DRC3: variants seen among roughly 807,000 people sequenced by gnomAD.
The protein encoded by DRC3 is dynein regulatory complex subunit 3.
DRC3 carries 45 observed loss-of-function variants against 57.6 expected under a neutral mutation model. The ratio of observed to expected loss-of-function variants is 0.78; its 90% confidence interval spans 0.62 to 1.00. The LOEUF (loss-of-function observed/expected upper bound fraction) is 1.00, where lower values mean the gene tolerates loss of function less well. Ranked by LOEUF, DRC3 falls within the 50% of genes least tolerant of loss-of-function variation. The pLI is 0.00. For missense variants in DRC3, 655 were observed against 675.2 expected (o/e 0.97, Z 0.33); for synonymous variants, 257 against 272.3 (o/e 0.94, Z 0.55).
At chr17:17,983,703 G>A in intron 3 of DRC3, 125 bp from the exon 4 acceptor site, 3 of 642,688 alleles carry the variant, frequency 4.7e-6, no homozygotes, top group Non-Finnish European at 8.2e-6. Flanking sequence ...CAGGGTGCCT[G>A]CGTACTCCAG....
intron 12 of DRC3, 72 bp downstream of exon 12, chr17:18,007,219 G>A: frequency 1.3e-5 from 2 of 153,404 alleles, no homozygotes; most frequent in Non-Finnish European, 1.6e-5. Flanking sequence ...CTGAGGCTCT[G>A]TGAGTAAGCC....
intron 4 of DRC3, among the ~76,000 whole-genome samples, chr17:17,985,988 T>A (rs577339159): frequency 6.6e-6 from 1 of 152,170 alleles, no homozygotes; most frequent in African/African-American, 2.4e-5. Flanking sequence ...CTCAGCTCAC[T>A]ATAACCTCTG....
chr17:18,015,848 T>C (rs145947034), intron 12 of DRC3: 3 of 523,878 alleles, frequency 5.7e-6, no homozygotes, highest in South Asian at 2.6e-5. Flanking sequence ...TGGTTGGCCC[T>C]TTCCCCACAA....
intron 9 of DRC3, among the ~76,000 whole-genome samples, chr17:17,999,971 T>C (rs1232362309): frequency 6.6e-6 from 1 of 152,132 alleles, no homozygotes; most frequent in Non-Finnish European, 1.5e-5. Context: ...TATTCTGTAC[T>C]TTGCTTTCGT....
At chr17:18,003,878 C>T (rs2043847591) in intron 9 of DRC3, among the ~76,000 whole-genome samples, 1 of 151,186 alleles carries the variant, frequency 6.6e-6, no homozygotes, top group African/African-American at 2.4e-5. Flanking sequence ...GTCTCAATCT[C>T]CTGACCTCAT....
At chr17:17,981,654 C>T (rs1453988530) in intron 3 of DRC3, 2 of 152,288 alleles carry the variant, frequency 1.3e-5, no homozygotes, top group Non-Finnish European at 2.9e-5. Flanking sequence ...CTGGCTCAGG[C>T]TCCTCTGAGG....
chr17:18,011,373 T>C, intron 12 of DRC3: 2 of 321,100 alleles, frequency 6.2e-6, no homozygotes, highest in Non-Finnish European at 1.2e-5. Context: ...CTCTGGGTGT[T>C]AAGTGCTCCA....
chr17:17,997,105 G>A lies in DRC3; in HGVS notation c.825-355G>A, dbSNP rs184813676. Among the ~76,000 whole-genome samples, 1,251 of 152,232 alleles carry A rather than the reference G, an allele frequency of 8.2e-3. 22 individuals carry two copies. The highest frequency in any genetic ancestry group is 0.028 in the African/African-American group (1,155 of 41,542). ...CTGCTTCCCCAGCTGGGACCGGCTC[G>A]CAGGCCCCCAGGGTCCCCAGGCCTC... On this transcript the variant is annotated intron_variant, in intron 8 of 13. Coordinates refer to ENST00000399187, the MANE Select transcript of DRC3 (RefSeq NM_031294.4).
intron 9 of DRC3, among the ~76,000 whole-genome samples, chr17:18,000,381 T>TGTGTGCGC (rs200512999): frequency 2.6e-4 from 39 of 150,068 alleles, no homozygotes; most frequent in African/African-American, 8.9e-4. Flanking sequence ...TGTGTGTGTG[T>TGTGTGCGC]GCATAGCATG....
chr17:17,988,194 A>T, intron 5 of DRC3, 96 bp downstream of exon 5: 3 of 1,268,280 alleles, frequency 2.4e-6, no homozygotes, highest in Non-Finnish European at 3.3e-6. Flanking sequence ...GTACAGGCTG[A>T]GTGTTCAGAT....
intron 4 of DRC3, among the ~76,000 whole-genome samples, chr17:17,987,315 G>C (rs935613511): frequency 4.6e-5 from 7 of 151,594 alleles, no homozygotes; most frequent in African/African-American, 1.7e-4. Flanking sequence ...TGAGACAGCT[G>C]TGATGGAGCT....
Position 17,995,025 on chromosome 17 carries a change from C to T in DRC3, c.738C>T (p.Gly246=). ...CTGCGTTTGTGGAACACCTGAATGG[C>T]TCCTTCCTGTTTGACAGCATGTACG... ...HKTAFVEHLN[G]SFLFDSMYAE... The change falls in exon 8 of 14, where the codon GGC becomes GGT. Residue 246 remains glycine, a synonymous_variant. Transcript: ENST00000399187. The T allele has an allele frequency of 1.2e-6, 2 of 1,613,910 alleles. No individual in the cohort carries two copies. Among genetic ancestry groups the T allele is most frequent in the Middle Eastern group, 1.6e-4 (1 of 6,062 alleles).
chr17:17,994,361 GAT>G lies in DRC3; in HGVS notation c.655_656del (p.Met219AlafsTer32). 2 of 1,555,486 alleles carry G rather than the reference GAT, an allele frequency of 1.3e-6. No homozygotes were observed. Among genetic ancestry groups the G allele is most frequent in the Non-Finnish European group, 1.7e-6 (2 of 1,149,512 alleles). On this transcript the variant is annotated frameshift_variant, in exon 7 of 14. Coordinates refer to ENST00000399187, the MANE Select transcript of DRC3 (RefSeq NM_031294.4). LOFTEE classifies it high-confidence loss of function. ...ACGAGCTGAAGCACCAGGAGAACCT[GAT>G]GCAGGCCCAGCTGGAGGACGAGCAG... ...IDELKHQENL[M>X]QAQLEDEQAQ...
chr17:18,007,141 G>C lies in DRC3; in HGVS notation c.1320G>C (p.Leu440=). ...GDLDEDLPND[L]RALFVDKDTI... Reference sequence around the variant, plus strand: ...TGGACGAGGACCTGCCTAACGACCTGCGCGCGGTAGGCGGGGCGGGCTGCT... The same window carrying C: ...TGGACGAGGACCTGCCTAACGACCTCCGCGCGGTAGGCGGGGCGGGCTGCT... The change falls in exon 12 of 14, where the codon CTG becomes CTC. Residue 440 remains leucine (L), a synonymous_variant. Transcript: ENST00000399187. 6.4e-7 allele frequency: 1 copy of C among 1,568,722 alleles called. No homozygotes were observed. Among genetic ancestry groups the C allele is most frequent in the Non-Finnish European group, 8.7e-7 (1 of 1,154,982 alleles).
intron 4 of DRC3, among the ~76,000 whole-genome samples, chr17:17,987,508 G>A (rs1483798459): frequency 1.3e-5 from 2 of 152,156 alleles, no homozygotes; most frequent in Non-Finnish European, 2.9e-5. Flanking sequence ...ATATACACGA[G>A]TGCTTGATAA....
chr17:17,996,972 G>T (rs1286072888), intron 8 of DRC3, among the ~76,000 whole-genome samples: 1 of 152,174 alleles, frequency 6.6e-6, no homozygotes, highest in Non-Finnish European at 1.5e-5. Context: ...CAGTGGCAGA[G>T]CCAGGACTTG....
chr17:18,004,591 A>G, intron 10 of DRC3, 97 bp downstream of exon 10: 2 of 1,377,484 alleles, frequency 1.5e-6, no homozygotes, highest in Non-Finnish European at 9.9e-7. Flanking sequence ...TCTGCTGGAA[A>G]CGTCCAGCAC....
At chr17:18,014,535 A>G (rs2044286359) in intron 12 of DRC3, among the ~76,000 whole-genome samples, 1 of 152,222 alleles carries the variant, frequency 6.6e-6, no homozygotes, top group African/African-American at 2.4e-5. Context: ...TTTTCATTTT[A>G]CAAATGTCAC....
chr17:18,006,090 T>C, intron 10 of DRC3, 93 bp from the exon 11 acceptor site: 1 of 854,746 alleles, frequency 1.2e-6, no homozygotes, highest in Non-Finnish European at 2.0e-6. Context: ...GGTCTGTGAT[T>C]AGAGGAGCTG....
Sources: allele counts gnomAD v4.1 joint callset (sites outside exome capture counted in the v4.1 genomes callset), GRCh38; gene constraint gnomAD v4.1.1; transcripts MANE v1.5; gene names NCBI Gene and HGNC (gene_info 2026-07-23, HGNC 2026-07-21).